Variants in CSMD1 observed in about 807,000 individuals in gnomAD.
The protein encoded by CSMD1 is CUB and Sushi multiple domains 1.
Under a neutral mutation model 417.5 loss-of-function variants are expected in CSMD1, and 213 were observed. That is an observed-to-expected ratio of 0.51 (90% CI 0.46 to 0.57). The LOEUF is 0.57. Ranked by LOEUF, CSMD1 falls within the 20% of genes least tolerant of loss-of-function variation. CSMD1 has a pLI of 0.00. For missense variants in CSMD1, 6,923 were observed against 4,529.7 expected, an observed-to-expected ratio of 1.53 and a Z score of -15.17; for synonymous variants, 2,862 against 1,736.8, an observed-to-expected ratio of 1.65 and a Z score of -16.11.
chr8:3,269,323 C>G (rs554830006), intron 26 of CSMD1, among the ~76,000 whole-genome samples: 5 of 152,186 alleles, frequency 3.3e-5, no homozygotes, highest in Admixed American at 1.3e-4. Context: ...CAGAGGGGAG[C>G]GATGGCTCCA....
intron 7 of CSMD1, among the ~76,000 whole-genome samples, chr8:3,678,258 G>A (rs62474698): frequency 0.15 from 22,547 of 152,142 alleles, 2,100 homozygotes; most frequent in East Asian, 0.3. Flanking sequence ...GAGGAAGTTC[G>A]AACCCATCGC....
At position 3,176,594 on chromosome 8, in the gene CSMD1, C is replaced by G. The variant is rs1307296846; in HGVS notation, c.5725+4516G>C. ...TCCTTACATTGTAAAACCCCGTGAA[C>G]TAGAACAATGCAAAAATCCCATCCA... On this transcript the variant is annotated intron_variant, in intron 37 of 69. Transcript: ENST00000635120. 5.3e-5 allele frequency among the ~76,000 whole-genome samples: 8 copies of G among 152,180 alleles called. No individual in the cohort carries two copies. In the East Asian group the frequency reaches 1.6e-3, roughly 29 times the overall value.
intron 2 of CSMD1, among the ~76,000 whole-genome samples, chr8:4,602,299 A>T (rs887874553): frequency 9.9e-5 from 15 of 152,182 alleles, no homozygotes; most frequent in Non-Finnish European, 1.5e-4. Flanking sequence ...GCCCTGCACA[A>T]ATAAGGCACT....
chr8:4,839,553 AC>A (rs1446491427), intron 1 of CSMD1, among the ~76,000 whole-genome samples: 8 of 152,178 alleles, frequency 5.3e-5, no homozygotes, highest in Non-Finnish European at 1.2e-4. Flanking sequence ...AGAATGGACC[AC>A]TAAAATGAAC....
chr8:3,887,945 C>T (rs1806675383), intron 5 of CSMD1, among the ~76,000 whole-genome samples: 1 of 152,044 alleles, frequency 6.6e-6, no homozygotes, highest in African/African-American at 2.4e-5. Flanking sequence ...CTTTCAATAG[C>T]AATACTTAAG....
chr8:4,170,600 T>G (rs1161862015), intron 3 of CSMD1, among the ~76,000 whole-genome samples: 16 of 151,874 alleles, frequency 1.1e-4, no homozygotes, highest in Non-Finnish European at 1.8e-4. Flanking sequence ...CAAATTCTGT[T>G]TCTACAAACA....
chr8:4,955,520 A>T (rs1210822247), intron 1 of CSMD1, among the ~76,000 whole-genome samples: 9 of 151,438 alleles, frequency 5.9e-5, no homozygotes, highest in African/African-American at 1.9e-4. Flanking sequence ...CAGTGGCATG[A>T]TCTCGGCACA....
chr8:4,727,770 C>G (rs1475142056), intron 1 of CSMD1, among the ~76,000 whole-genome samples: 2 of 151,692 alleles, frequency 1.3e-5, no homozygotes, highest in Admixed American at 6.6e-5. Flanking sequence ...GGGCTGCTCT[C>G]TGCTTCCAGG....
At chr8:3,601,300 T>C (rs1801349809) in intron 8 of CSMD1, among the ~76,000 whole-genome samples, 1 of 152,224 alleles carries the variant, frequency 6.6e-6, no homozygotes, top group Admixed American at 6.5e-5. Context: ...AAATCAGCTG[T>C]CCTTATTCTT....
chr8:4,907,015 C>G (rs1438766110), intron 1 of CSMD1, among the ~76,000 whole-genome samples: 2 of 152,114 alleles, frequency 1.3e-5, no homozygotes, highest in Non-Finnish European at 2.9e-5. Flanking sequence ...ATCTATATGT[C>G]TTAAAGTGCC....
At chr8:4,469,560 T>G (rs35272888) in intron 2 of CSMD1, among the ~76,000 whole-genome samples, 41,220 of 152,046 alleles carry the variant, frequency 0.27, 6,007 homozygotes, top group Non-Finnish European at 0.33. Context: ...GCAAACCTAT[T>G]CTTTCAGTAG....
chr8:3,781,064 G>C (rs1046388126), intron 5 of CSMD1, among the ~76,000 whole-genome samples: 3 of 152,174 alleles, frequency 2.0e-5, no homozygotes, highest in South Asian at 4.1e-4. Context: ...GCAGCAAATA[G>C]TTGAAAGCCT....
intron 10 of CSMD1, among the ~76,000 whole-genome samples, chr8:3,509,763 G>A (rs1038506126): frequency 5.9e-5 from 9 of 152,252 alleles, no homozygotes; most frequent in Admixed American, 6.5e-5. Flanking sequence ...TAGAATCCAA[G>A]GGGTCTGCTT....
intron 17 of CSMD1, among the ~76,000 whole-genome samples, chr8:3,394,237 A>G (rs1811550519): frequency 6.8e-6 from 1 of 146,888 alleles, no homozygotes; most frequent in South Asian, 2.1e-4. Flanking sequence ...TACATATTAA[A>G]TTATTATATT....
intron 2 of CSMD1, among the ~76,000 whole-genome samples, chr8:4,549,528 C>T (rs995043272): frequency 6.6e-6 from 1 of 152,060 alleles, no homozygotes; most frequent in Non-Finnish European, 1.5e-5. Context: ...CAATTCCTCC[C>T]TACCCAAGAA....
At chr8:4,099,985 A>C (rs1352389409) in intron 3 of CSMD1, among the ~76,000 whole-genome samples, 1 of 151,792 alleles carries the variant, frequency 6.6e-6, no homozygotes, top group Non-Finnish European at 1.5e-5. Flanking sequence ...ACAGTTGTCT[A>C]AACTCTCATT....
intron 50 of CSMD1, among the ~76,000 whole-genome samples, 190 bp downstream of exon 50, chr8:3,052,272 A>G (rs917637230): frequency 6.6e-6 from 1 of 152,252 alleles, no homozygotes; most frequent in Non-Finnish European, 1.5e-5. Context: ...TCAAGAGTGC[A>G]TAGCTCATTC....
intron 3 of CSMD1, among the ~76,000 whole-genome samples, chr8:4,320,875 A>G (rs1220371586): frequency 6.6e-6 from 1 of 152,086 alleles, no homozygotes; most frequent in Admixed American, 6.6e-5. Flanking sequence ...AAAGACACAA[A>G]CACACTTATG....
intron 6 of CSMD1, among the ~76,000 whole-genome samples, chr8:3,713,825 G>C (rs1421661340): frequency 2.0e-5 from 3 of 152,296 alleles, no homozygotes; most frequent in East Asian, 1.9e-4. Context: ...GAAGAATTCA[G>C]AGTTTGGGAG....
Sources: gnomAD v4.1 joint callset for allele counts (sites outside exome capture counted in the v4.1 genomes callset) on GRCh38, gnomAD v4.1.1 for gene constraint, MANE v1.5 for transcripts, NCBI Gene and HGNC (gene_info 2026-07-23, HGNC 2026-07-21) for gene names.